Variants in MTO1 observed in about 807,000 individuals in gnomAD.
MTO1 encodes the protein 5-taurinomethyluridine-[tRNA] synthase subunit MTO1, mitochondrial.
MTO1 carries 46 observed loss-of-function variants against 71.6 expected under a neutral mutation model. The observed-to-expected ratio is 0.64, with a 90% confidence interval of 0.51 to 0.82. The LOEUF is 0.82. Ranked by LOEUF, MTO1 falls within the 40% of genes least tolerant of loss-of-function variation. The probability of loss-of-function intolerance (pLI) is 0.00; values close to 1 mark genes in which losing one functional copy is unlikely to be tolerated. For synonymous variants in MTO1, 297 were observed against 312.1 expected (o/e 0.95, Z 0.51); for missense variants, 773 against 867.5 (o/e 0.89, Z 1.37).
intron 4 of MTO1, among the ~76,000 whole-genome samples, chr6:73,479,478 G>C (rs1438519069): frequency 6.6e-6 from 1 of 152,124 alleles, no homozygotes; most frequent in Admixed American, 6.6e-5. Flanking sequence ...CTGGGCAACA[G>C]AGTGAGACTC....
rs140592470 is a variant in MTO1 at position 73,500,700 on chromosome 6, T to C, written c.2044T>C (p.Cys682Arg). The stretch of plus-strand genomic sequence containing the variant: ...ATCATCCAAGACTGATCAATACTTA[T>C]GTGATGCAGACAGACTTCAAGAGAG... The part of the protein sequence containing the change: ...NESSKTDQYL[C>R]DADRLQEREL The change falls in exon 12 of 12, where the codon TGT (cysteine) becomes CGT (arginine). Residue 682 changes from cysteine (C) to arginine (R), a missense_variant. Physicochemically the swap from Cys to Arg is radical, Grantham distance 180. Coordinates refer to ENST00000498286, the MANE Select transcript of MTO1 (RefSeq NM_012123.4). 2.0e-5 allele frequency: 32 copies of C among 1,607,644 alleles called. No homozygotes were observed. The African/African-American group carries it at 2.4e-4, about 12-fold the overall frequency.
In MTO1 at chr6:73,502,002, T is replaced by G. The variant is rs1258197535; in HGVS notation, c.*1267T>G. ...AAGATTAGTAGCAAGTAAAAAGTATTTGTAGTGCTGGATAATTTAGGAATG... is the reference window on the plus strand; with the variant it reads ...AAGATTAGTAGCAAGTAAAAAGTATGTGTAGTGCTGGATAATTTAGGAATG... On this transcript the variant is annotated 3_prime_UTR_variant, in exon 12 of 12. Transcript: ENST00000498286. 6.6e-6 allele frequency: 1 copy of G among 152,204 alleles called. No individual in the cohort carries two copies. The highest frequency in any genetic ancestry group is 2.4e-5 in the African/African-American group (1 of 41,444). The allele number at this position is 152,204 out of a possible 1,614,324, so 9.4% of individuals were successfully genotyped here.
chr6:73,480,590 G>A lies in MTO1; in HGVS notation c.1130-85G>A, dbSNP rs1481339594. The A allele has an allele frequency of 4.0e-6, 6 of 1,510,950 alleles. No homozygotes were observed. In the African/African-American group the frequency reaches 6.9e-5, roughly 17 times the overall value. 93.6% of individuals were successfully genotyped at this position (1,510,950 alleles called of 1,614,324 possible). A position where few individuals can be genotyped will look rare whatever the true frequency, so the allele number is the denominator to read the frequency against. The stretch of plus-strand genomic sequence containing the variant: ...TGACCTAAATAGTCTGTTTTTAAAG[G>A]GCATTTAAGGGTAATGCTTGCATCT... On this transcript the variant is annotated intron_variant, in intron 6 of 11. Transcript: ENST00000498286.
At position 73,482,517 on chromosome 6, in the gene MTO1, GA is replaced by G; in HGVS notation, c.1536del (p.Glu513LysfsTer6). The G allele has an allele frequency of 1.2e-6, 2 of 1,613,050 alleles. No individual in the cohort carries two copies. Among genetic ancestry groups the G allele is most frequent in the Non-Finnish European group, 1.7e-6 (2 of 1,179,724 alleles). On this transcript the variant is annotated frameshift_variant, in exon 9 of 12. Transcript: ENST00000498286. LOFTEE classifies it high-confidence loss of function. ...AGCTTGTTGGATGAAGTCTTCTTTA[GA>G]AGAAGGCATTTCTGTGTTGAAATCT... ...ERACWMKSSL[E>X]EGISVLKSIE... is the part of the protein sequence containing the mutation.
At chr6:73,474,656 C>T (rs1771257428) in intron 4 of MTO1, among the ~76,000 whole-genome samples, 1 of 151,980 alleles carries the variant, frequency 6.6e-6, no homozygotes, top group Non-Finnish European at 1.5e-5. Flanking sequence ...CCATGTTGGC[C>T]AGGCTGGTTT....
intron 3 of MTO1, among the ~76,000 whole-genome samples, chr6:73,468,311 G>T (rs753763369): frequency 6.6e-6 from 1 of 151,964 alleles, no homozygotes; most frequent in African/African-American, 2.4e-5. Context: ...TAGAGACAGG[G>T]TTTCACCATG....
At position 73,482,109 on chromosome 6, in the gene MTO1, G is replaced by T. The variant is rs778475323; in HGVS notation, c.1330G>T (p.Glu444Ter). 7 of 1,614,206 alleles carry T rather than the reference G, an allele frequency of 4.3e-6. No individual in the cohort carries two copies. Among genetic ancestry groups the T allele is most frequent in the Non-Finnish European group, 5.9e-6 (7 of 1,180,054 alleles). Residue 444 changes from glutamate to a stop codon, truncating the protein, a stop_gained, in exon 8 of 12, where the codon GAA becomes TAA. Transcript: ENST00000498286. LOFTEE classifies it high-confidence loss of function. ...RKPPFVVSRTEGYIGVLIDDL... is the reference protein window; with the variant it reads ...RKPPFVVSRT Reference sequence around the variant, plus strand: ...GCCTCCCTTTGTGGTTAGCCGAACAGAAGGTTACATAGGAGTCTTGATTGA... The same window carrying T: ...GCCTCCCTTTGTGGTTAGCCGAACATAAGGTTACATAGGAGTCTTGATTGA...
rs1423259349 is a variant in MTO1 at position 73,461,949 on chromosome 6, C to T, written c.95C>T (p.Pro32Leu). ...LARLSSDSAA[P>L]RTPHFDVIVI... Reference sequence around the variant, plus strand: ...CGGTTGAGCAGTGACAGCGCGGCGCCCCGGACTCCGCACTTCGACGTGATA... The same window carrying T: ...CGGTTGAGCAGTGACAGCGCGGCGCTCCGGACTCCGCACTTCGACGTGATA... The change falls in exon 1 of 12, where the codon CCC (proline) becomes CTC (leucine). Residue 32 changes from proline (P) to leucine (L), a missense_variant. Coordinates refer to ENST00000498286, the MANE Select transcript of MTO1 (RefSeq NM_012123.4). 4.3e-6 allele frequency: 7 copies of T among 1,614,122 alleles called. No homozygotes were observed. Among genetic ancestry groups the T allele is most frequent in the Non-Finnish European group, 5.9e-6 (7 of 1,180,046 alleles).
chr6:73,504,485 A>G lies in MTO1; in HGVS notation c.*3750A>G, dbSNP rs187843164. 5 of 152,364 alleles carry G rather than the reference A, an allele frequency of 3.3e-5. No homozygotes were observed. In the East Asian group the frequency reaches 9.6e-4, roughly 29 times the overall value. The allele number at this position is 152,364 out of a possible 1,614,324, so 9.4% of individuals were successfully genotyped here. ...TTAAGAAGATATAAGCCTTGTAAATATAAGCAATATCACAGTTGTAGATAC... is the reference window on the plus strand; with the variant it reads ...TTAAGAAGATATAAGCCTTGTAAATGTAAGCAATATCACAGTTGTAGATAC... On this transcript the variant is annotated 3_prime_UTR_variant, in exon 12 of 12. Transcript: ENST00000498286.
rs1772279350 is a variant in MTO1 at position 73,506,169 on chromosome 6, AG to A, written c.*5437del. On this transcript the variant is annotated 3_prime_UTR_variant, in exon 12 of 12. Coordinates refer to ENST00000498286, the MANE Select transcript of MTO1 (RefSeq NM_012123.4). ...AATTTTTTCTATTTTTAGTGGAGAC[AG>A]GGTTTCACCATGTTAGCCAGATGGT... 1 of 150,878 alleles carries A rather than the reference AG, an allele frequency of 6.6e-6. No individual in the cohort carries two copies. Among genetic ancestry groups the A allele is most frequent in the Admixed American group, 6.6e-5 (1 of 15,228 alleles). The allele number at this position is 150,878 out of a possible 1,614,324, so 9.3% of individuals were successfully genotyped here.
intron 3 of MTO1, among the ~76,000 whole-genome samples, chr6:73,467,811 TTTTG>T (rs1259504347): frequency 7.2e-5 from 11 of 152,076 alleles, no homozygotes; most frequent in South Asian, 2.1e-4. Context: ...TATTAACTTT[TTTTG>T]TTTGTTTGTT....
chr6:73,497,818 C>T lies in MTO1; in HGVS notation c.1839C>T (p.Asp613=). The stretch of plus-strand genomic sequence containing the variant: ...ATGAAGCTCTCCAACTGCCAAAAGA[C>T]CTAGATTATTTGACTATCAGGGATG... ...QQDEALQLPK[D]LDYLTIRDVS... Residue 613 remains aspartate (D), a synonymous_variant, in exon 11 of 12, where the codon GAC becomes GAT. Transcript: ENST00000498286. 6.2e-7 allele frequency: 1 copy of T among 1,613,792 alleles called. No individual in the cohort carries two copies. The highest frequency in any genetic ancestry group is 8.5e-7 in the Non-Finnish European group (1 of 1,179,786).
At chr6:73,464,475 C>T (rs1364293430) in intron 1 of MTO1, among the ~76,000 whole-genome samples, 1 of 151,944 alleles carries the variant, frequency 6.6e-6, no homozygotes, top group East Asian at 1.9e-4. Flanking sequence ...CCTGTGGAGA[C>T]CATTAAAACT....
At chr6:73,476,062 C>A (rs1771308411) in intron 4 of MTO1, among the ~76,000 whole-genome samples, 1 of 151,906 alleles carries the variant, frequency 6.6e-6, no homozygotes, top group African/African-American at 2.4e-5. Flanking sequence ...TCGCTGCGAT[C>A]TATTGAAAGT....
intron 3 of MTO1, among the ~76,000 whole-genome samples, chr6:73,467,770 T>C (rs1407298140): frequency 6.6e-6 from 1 of 152,124 alleles, no homozygotes; most frequent in Non-Finnish European, 1.5e-5. Context: ...CTTATCTTTT[T>C]ACTTCCTAAT....
At chr6:73,473,281 T>C (rs1332373618) in intron 3 of MTO1, 84 bp from the exon 4 acceptor site, 20 of 1,168,132 alleles carry the variant, frequency 1.7e-5, no homozygotes, top group Non-Finnish European at 2.3e-5. Context: ...TCATCTCAGA[T>C]AGATAGATAG....
At position 73,466,208 on chromosome 6, in the gene MTO1, G is replaced by A. The variant is rs370021120; in HGVS notation, c.218-1G>A. The A allele has an allele frequency of 6.2e-7, 1 of 1,609,408 alleles. No homozygotes were observed. The highest frequency in any genetic ancestry group is 1.3e-5 in the African/African-American group (1 of 74,802). On this transcript the variant is annotated splice_acceptor_variant, in intron 1 of 11. Transcript: ENST00000498286. LOFTEE classifies it high-confidence loss of function. ...ATTTTGTTTATGTCTATTATCTTTAGGTCAGATGTCATGTAATCCTTCCTT... is the reference window on the plus strand; with the variant it reads ...ATTTTGTTTATGTCTATTATCTTTAAGTCAGATGTCATGTAATCCTTCCTT...
At chr6:73,474,287 A>G (rs1582678712) in intron 4 of MTO1, among the ~76,000 whole-genome samples, 1 of 145,178 alleles carries the variant, frequency 6.9e-6, no homozygotes, top group East Asian at 2.1e-4. Flanking sequence ...GTTTCACCAT[A>G]TTGGCCAGGC....
chr6:73,476,790 ATTT>A (rs879559677), intron 4 of MTO1, among the ~76,000 whole-genome samples: 1 of 142,874 alleles, frequency 7.0e-6, no homozygotes, highest in Non-Finnish European at 1.5e-5. Flanking sequence ...TAAAATTTAA[ATTT>A]TTTTTTTTTT....
Sources: gnomAD v4.1 joint callset for allele counts (sites outside exome capture counted in the v4.1 genomes callset) on GRCh38, gnomAD v4.1.1 for gene constraint, MANE v1.5 for transcripts, NCBI Gene and HGNC (gene_info 2026-07-23, HGNC 2026-07-21) for gene names.